MALSU1: variants seen among roughly 807,000 people sequenced by gnomAD.
MALSU1 encodes the protein mitochondrial assembly of ribosomal large subunit 1.
A neutral mutation model predicts 22.1 loss-of-function variants in MALSU1; 22 were observed. The ratio of observed to expected loss-of-function variants is 1.00; its 90% confidence interval spans 0.71 to 1.42. The LOEUF is 1.42. MALSU1 is among the 40% of genes most tolerant of loss of function. The pLI is 0.00. For missense variants in MALSU1, 379 were observed against 308.3 expected (o/e 1.23, Z -1.72); for synonymous variants, 153 against 118.5 (o/e 1.29, Z -1.89).
intron 2 of MALSU1, among the ~76,000 whole-genome samples, chr7:23,302,029 C>T (rs1783655468): frequency 6.6e-6 from 1 of 152,010 alleles, no homozygotes; most frequent in African/African-American, 2.4e-5. Context: ...TTCAAATGCT[C>T]AATAGCCACG....
At position 23,300,896 on chromosome 7, in the gene MALSU1, A is replaced by G. The variant is rs758314819; in HGVS notation, c.314A>G (p.Asn105Ser). The change falls in exon 2 of 4, where the codon AAT becomes AGT. Residue 105 changes from asparagine (N) to serine (S), a missense_variant. Transcript: ENST00000466681. ...DMMVSLLRQE[N>S]ARDICVIQVP... is the part of the protein sequence containing the mutation. ...ATGGTTTCACTTCTGAGGCAAGAAA[A>G]TGCAAGAGACATTTGTGTGATCCAG... The G allele has an allele frequency of 6.2e-6, 10 of 1,614,110 alleles. No homozygotes were observed. The Middle Eastern group carries it at 4.9e-4, about 80-fold the overall frequency.
At position 23,300,971 on chromosome 7, in the gene MALSU1, C is replaced by G. The variant is rs769131110; in HGVS notation, c.389C>G (p.Thr130Ser). ...YTDYFVIVSG[T>S]STRHLHAMAF... ...GATTACTTTGTGATTGTTAGTGGAA[C>G]TTCTACCCGACACTTACATGCCATG... Residue 130 changes from threonine (T) to serine (S), a missense_variant, in exon 2 of 4, where the codon ACT (threonine) becomes AGT (serine). Physicochemically the swap from Thr to Ser is moderately conservative, Grantham distance 58. Transcript: ENST00000466681. 37 of 1,613,862 alleles carry G rather than the reference C, an allele frequency of 2.3e-5. No individual in the cohort carries two copies. The highest frequency in any genetic ancestry group is 3.0e-5 in the Non-Finnish European group (35 of 1,179,936).
chr7:23,309,853 AGCTT>A lies in MALSU1; in HGVS notation c.*311_*314del, dbSNP rs1783783814. On this transcript the variant is annotated 3_prime_UTR_variant, in exon 4 of 4. Transcript: ENST00000466681. ...GCTCAGATTTTTATTAATTTAATTTAGCTTAAATGTAAATCTTAACCCTGTTTGT... is the reference window on the plus strand; with the variant it reads ...GCTCAGATTTTTATTAATTTAATTTAAAATGTAAATCTTAACCCTGTTTGT... 1 of 173,856 alleles carries A rather than the reference AGCTT, an allele frequency of 5.8e-6. No individual in the cohort carries two copies. The highest frequency in any genetic ancestry group is 2.4e-5 in the African/African-American group (1 of 42,350). 10.8% of individuals were successfully genotyped at this position (173,856 alleles called of 1,614,324 possible). A position where few individuals can be genotyped will look rare whatever the true frequency, so the allele number is the denominator to read the frequency against.
intron 2 of MALSU1, among the ~76,000 whole-genome samples, chr7:23,303,995 A>T (rs1224038265): frequency 6.6e-6 from 1 of 151,872 alleles, no homozygotes; most frequent in Non-Finnish European, 1.5e-5. Flanking sequence ...AATCCCAGCT[A>T]CTTGGGAGGC....
At chr7:23,303,932 C>G (rs1003141844) in intron 2 of MALSU1, among the ~76,000 whole-genome samples, 28 of 151,908 alleles carry the variant, frequency 1.8e-4, no homozygotes, top group African/African-American at 6.5e-4. Flanking sequence ...ATGGTGAAAC[C>G]CTGTCTCTAT....
intron 1 of MALSU1, 126 bp downstream of exon 1, chr7:23,299,734 A>G (rs939898719): frequency 4.5e-6 from 5 of 1,120,798 alleles, no homozygotes; most frequent in Non-Finnish European, 6.2e-6. Flanking sequence ...CTGCACATCC[A>G]GAGCTGGAAG....
At chr7:23,306,193 C>T (rs1490387557) in intron 2 of MALSU1, among the ~76,000 whole-genome samples, 2 of 151,180 alleles carry the variant, frequency 1.3e-5, no homozygotes, top group African/African-American at 2.4e-5. Flanking sequence ...AAACTCAAAA[C>T]AAGAACGTCT....
chr7:23,302,908 G>A (rs952616923), intron 2 of MALSU1, among the ~76,000 whole-genome samples: 1 of 152,090 alleles, frequency 6.6e-6, no homozygotes, highest in African/African-American at 2.4e-5. Context: ...TCCTGAGTAG[G>A]TGGGATTATA....
Position 23,309,455 on chromosome 7 carries a change from T to TAGCACCTGAGAC in MALSU1, c.620_631dup (p.Ala207_Thr210dup). ...TCTTATGATGACCAGTTAGCTCAGATAGCACCTGAGACAGTACCTGAAGAC... is the reference window on the plus strand; with the variant it reads ...TCTTATGATGACCAGTTAGCTCAGATAGCACCTGAGACAGCACCTGAGACAGTACCTGAAGAC... On this transcript the variant is annotated inframe_insertion, in exon 4 of 4. Coordinates refer to ENST00000466681, the MANE Select transcript of MALSU1 (RefSeq NM_138446.2). 1.2e-6 allele frequency: 2 copies of TAGCACCTGAGAC among 1,613,690 alleles called. No individual in the cohort carries two copies. Among genetic ancestry groups the TAGCACCTGAGAC allele is most frequent in the African/African-American group, 2.7e-5 (2 of 75,052 alleles).
Position 23,311,345 on chromosome 7 carries a change from ACTTT to A in MALSU1, c.*1807_*1810del, listed in dbSNP as rs1417141974. 1.3e-5 allele frequency: 2 copies of A among 152,606 alleles called. No individual in the cohort carries two copies. The highest frequency in any genetic ancestry group is 2.9e-5 in the Non-Finnish European group (2 of 68,038). The allele number at this position is 152,606 out of a possible 1,614,324, so 9.5% of individuals were successfully genotyped here. A position where few individuals can be genotyped will look rare whatever the true frequency, so the allele number is the denominator to read the frequency against. ...AAGTCTTGCATCTCTTCACTGATGC[ACTTT>A]CTTTAGGTATTGATAGTCAGAAGCA... is the stretch of plus-strand genomic sequence containing the variant. On this transcript the variant is annotated 3_prime_UTR_variant, in exon 4 of 4. Transcript: ENST00000466681.
At chr7:23,305,738 A>G (rs1471502789) in intron 2 of MALSU1, among the ~76,000 whole-genome samples, 2 of 152,138 alleles carry the variant, frequency 1.3e-5, no homozygotes, top group South Asian at 2.1e-4. Context: ...CTTGATATAG[A>G]TTGCACTGAA....
rs1202601974 is a variant in MALSU1, at chr7:23,307,907, A to G, written c.475A>G (p.Ile159Val). 6.2e-7 allele frequency: 1 copy of G among 1,614,010 alleles called. No homozygotes were observed. Among genetic ancestry groups the G allele is most frequent in the South Asian group, 1.1e-5 (1 of 91,080 alleles). Residue 159 changes from isoleucine (I) to valine (V), a missense_variant, in exon 3 of 4, where the codon ATA (isoleucine) becomes GTA (valine). By Grantham distance (29) the Ile-to-Val change is conservative. Transcript: ENST00000466681. ...ATGTAAACGTGACCCTCATGTTAAG[A>G]TAGAAGGGAAGGACACTGATGACTG... ...LKCKRDPHVK[I>V]EGKDTDDWLC...
At chr7:23,300,397 C>T (rs1399435043) in intron 1 of MALSU1, among the ~76,000 whole-genome samples, 1 of 152,178 alleles carries the variant, frequency 6.6e-6, no homozygotes, top group African/African-American at 2.4e-5. Flanking sequence ...GGACCAGATA[C>T]TGCCTAAGAG....
At position 23,302,773 on chromosome 7, in the gene MALSU1, T is replaced by TATATATA. The variant is rs1562656199; in HGVS notation, c.435+1757_435+1758insTATATAA. Among the ~76,000 whole-genome samples, 9 of 152,322 alleles carry TATATATA rather than the reference T, an allele frequency of 5.9e-5. No homozygotes were observed. In the East Asian group the frequency reaches 1.7e-3, roughly 29 times the overall value. Reference sequence around the variant, plus strand: ...GGTAAAATATATATAACGTAAAACCTACCGTTTAATCTTTTTTTTGGAGAC... The same window carrying TATATATA: ...GGTAAAATATATATAACGTAAAACCTATATATAACCGTTTAATCTTTTTTTTGGAGAC... On this transcript the variant is annotated intron_variant, in intron 2 of 3. Transcript: ENST00000466681.
In MALSU1 at chr7:23,309,453, G is replaced by T. The variant is rs770707788; in HGVS notation, c.615G>T (p.Gln205His). 2.5e-6 allele frequency: 4 copies of T among 1,613,620 alleles called. No homozygotes were observed. In the South Asian group the frequency reaches 3.3e-5, roughly 13 times the overall value. ...GTTCTTATGATGACCAGTTAGCTCA[G>T]ATAGCACCTGAGACAGTACCTGAAG... The part of the protein sequence containing the change: ...TLRSYDDQLA[Q>H]IAPETVPEDF... Residue 205 changes from glutamine to histidine, a missense_variant, in exon 4 of 4, where the codon CAG (glutamine) becomes CAT (histidine). Physicochemically the swap from Gln to His is conservative, Grantham distance 24. Transcript: ENST00000466681.
intron 2 of MALSU1, among the ~76,000 whole-genome samples, chr7:23,304,071 T>C (rs1267482949): frequency 2.0e-5 from 3 of 149,952 alleles, no homozygotes; most frequent in Non-Finnish European, 4.4e-5. Flanking sequence ...GTGCCACTGC[T>C]CTCCAGCCTG....
At chr7:23,308,581 AAC>A (rs1783756077) in intron 3 of MALSU1, among the ~76,000 whole-genome samples, 1 of 152,136 alleles carries the variant, frequency 6.6e-6, no homozygotes, top group African/African-American at 2.4e-5. Flanking sequence ...AGAGACAAAG[AAC>A]AGTTTATTAC....
At chr7:23,307,322 A>G (rs1188269806) in intron 2 of MALSU1, among the ~76,000 whole-genome samples, 1 of 152,196 alleles carries the variant, frequency 6.6e-6, no homozygotes, top group Non-Finnish European at 1.5e-5. Flanking sequence ...GGGGTGATGT[A>G]TATGAGATGT....
rs146044682 is a variant in MALSU1 at position 23,307,926 on chromosome 7, A to G, written c.494A>G (p.Asp165Gly). The change falls in exon 3 of 4, where the codon GAT becomes GGT. Residue 165 changes from aspartate to glycine, a missense_variant. Coordinates refer to ENST00000466681, the MANE Select transcript of MALSU1 (RefSeq NM_138446.2). ...GTTAAGATAGAAGGGAAGGACACTG[A>G]TGACTGGCTGTGCGTGGATTTTGGT... ...PHVKIEGKDTDDWLCVDFGSM... is the reference protein window; with the variant it reads ...PHVKIEGKDTGDWLCVDFGSM... The G allele has an allele frequency of 6.2e-7, 1 of 1,613,854 alleles. No homozygotes were observed. Among genetic ancestry groups the G allele is most frequent in the East Asian group, 2.2e-5 (1 of 44,874 alleles).
Sources: allele counts gnomAD v4.1 joint callset (sites outside exome capture counted in the v4.1 genomes callset), GRCh38; gene constraint gnomAD v4.1.1; transcripts MANE v1.5; gene names NCBI Gene and HGNC (gene_info 2026-07-23, HGNC 2026-07-21).